ELMO1: variants seen among roughly 807,000 people sequenced by gnomAD.
The protein encoded by ELMO1 is engulfment and cell motility protein 1.
A neutral mutation model predicts 98.9 loss-of-function variants in ELMO1; 26 were observed. That is an observed-to-expected ratio of 0.26 (90% confidence interval 0.19 to 0.36). The LOEUF (loss-of-function observed/expected upper bound fraction) is 0.36, where lower values mean the gene tolerates loss of function less well. Ranked by LOEUF, ELMO1 falls within the 10% of genes least tolerant of loss-of-function variation. ELMO1 has a pLI of 1.00. For missense variants in ELMO1, 627 were observed against 935.2 expected (o/e 0.67, Z 4.30); for synonymous variants, 346 against 346.0 (o/e 1.00, Z 0.00).
intron 16 of ELMO1, among the ~76,000 whole-genome samples, chr7:36,988,456 T>G (rs1341266584): frequency 6.6e-6 from 1 of 152,210 alleles, no homozygotes. Context: ...CAGGCACTTG[T>G]GCTAGTGATA....
At position 37,332,496 on chromosome 7, in the gene ELMO1, G is replaced by A. The variant is rs550317775; in HGVS notation, c.78+10117C>T. On this transcript the variant is annotated intron_variant, in intron 2 of 21. Transcript: ENST00000310758. ...TTCTACACAGCAAGCACCCTCATCC[G>A]GTCTGAAGAGTCAGAAAAGGCCTTA... Among the ~76,000 whole-genome samples the A allele has an allele frequency of 1.6e-3, 243 of 152,264 alleles. 2 individuals are homozygous for A. Among genetic ancestry groups the A allele is most frequent in the South Asian group, 0.012 (59 of 4,824 alleles).
At position 36,928,077 on chromosome 7, in the gene ELMO1, T is replaced by C. The variant is rs191908935; in HGVS notation, c.1438-33060A>G. Among the ~76,000 whole-genome samples, 431 of 152,298 alleles carry C rather than the reference T, an allele frequency of 2.8e-3. 1 individual carries two copies. The highest frequency in any genetic ancestry group is 9.8e-3 in the African/African-American group (407 of 41,572). On this transcript the variant is annotated intron_variant, in intron 16 of 21. Coordinates refer to ENST00000310758, the MANE Select transcript of ELMO1 (RefSeq NM_014800.11). ...ATCTCTGAAAATCCTAAAAGGCAAATGAGAGAAAAAGAAGATTCAAAAGTT... is the reference window on the plus strand; with the variant it reads ...ATCTCTGAAAATCCTAAAAGGCAAACGAGAGAAAAAGAAGATTCAAAAGTT...
Position 37,342,872 on chromosome 7 carries a change from T to A in ELMO1, c.-73-109A>T. 1 of 567,474 alleles carries A rather than the reference T, an allele frequency of 1.8e-6. No homozygotes were observed. The highest frequency in any genetic ancestry group is 3.0e-6 in the Non-Finnish European group (1 of 328,260). 35.2% of individuals were successfully genotyped at this position (567,474 alleles called of 1,614,324 possible). ...CTGGTGGTTTGGTATGAAAAACGGCTCCCCTTGGTGCCTGGGTGCTGAAGG... is the reference window on the plus strand; with the variant it reads ...CTGGTGGTTTGGTATGAAAAACGGCACCCCTTGGTGCCTGGGTGCTGAAGG... On this transcript the variant is annotated intron_variant, in intron 1 of 21. Coordinates refer to ENST00000310758, the MANE Select transcript of ELMO1 (RefSeq NM_014800.11). This position sits in a 1 kb window ranked among gnomAD's most constrained non-coding sequence, Gnocchi z 4.3.
At chr7:37,122,839 T>C (rs536405253) in intron 14 of ELMO1, among the ~76,000 whole-genome samples, 6 of 152,322 alleles carry the variant, frequency 3.9e-5, no homozygotes, top group African/African-American at 1.2e-4. Flanking sequence ...TACATTCTTC[T>C]CAGCACCACA....
chr7:37,014,472 G>A (rs938670504), intron 15 of ELMO1, among the ~76,000 whole-genome samples: 11 of 152,022 alleles, frequency 7.2e-5, no homozygotes, highest in Non-Finnish European at 1.0e-4. Context: ...AGTGCAGAAC[G>A]TGCAGGTTTG....
At chr7:37,331,263 G>A (rs549803009) in intron 2 of ELMO1, among the ~76,000 whole-genome samples, 114 of 150,550 alleles carry the variant, frequency 7.6e-4, no homozygotes, top group African/African-American at 2.4e-3. Context: ...TCTGCCTCCC[G>A]GGTTCACACC....
At chr7:36,909,637 T>C (rs1232996728) in intron 16 of ELMO1, among the ~76,000 whole-genome samples, 2 of 152,250 alleles carry the variant, frequency 1.3e-5, no homozygotes, top group African/African-American at 2.4e-5. Flanking sequence ...CAAAGACTGA[T>C]TAAATGCTGA....
At chr7:37,144,953 C>A (rs1787886911) in intron 13 of ELMO1, among the ~76,000 whole-genome samples, 1 of 152,222 alleles carries the variant, frequency 6.6e-6, no homozygotes, top group Non-Finnish European at 1.5e-5. Context: ...TGTGCCCATA[C>A]ACCATGGCCA....
intron 16 of ELMO1, among the ~76,000 whole-genome samples, chr7:36,903,040 AGCATT>A (rs1783694510): frequency 6.6e-6 from 1 of 152,306 alleles, no homozygotes; most frequent in African/African-American, 2.4e-5. Flanking sequence ...GCAGGGGCCC[AGCATT>A]GCCTCTTGGG....
chr7:36,951,965 T>G (rs1787999487), intron 16 of ELMO1, among the ~76,000 whole-genome samples: 1 of 152,326 alleles, frequency 6.6e-6, no homozygotes, highest in South Asian at 2.1e-4. Flanking sequence ...AGCAAGGGAC[T>G]CTGAAGTCAA....
At chr7:37,023,719 T>C (rs1794410642) in intron 15 of ELMO1, among the ~76,000 whole-genome samples, 1 of 152,166 alleles carries the variant, frequency 6.6e-6, no homozygotes, top group Non-Finnish European at 1.5e-5. Context: ...GTGCTGGGAT[T>C]ACATGTGCGT....
chr7:37,126,649 A>C (rs1172242813), intron 14 of ELMO1, among the ~76,000 whole-genome samples: 4 of 152,238 alleles, frequency 2.6e-5, no homozygotes, highest in African/African-American at 9.6e-5. Context: ...AAAGGAAACA[A>C]GGAAACTCTC....
At chr7:37,145,651 T>C (rs1054463439) in intron 13 of ELMO1, among the ~76,000 whole-genome samples, 3 of 152,256 alleles carry the variant, frequency 2.0e-5, no homozygotes, top group Admixed American at 1.3e-4. Context: ...GCTAGTCCTT[T>C]ATTAGCGTGG....
chr7:36,999,246 G>A (rs1166619424), intron 16 of ELMO1, among the ~76,000 whole-genome samples: 16 of 152,152 alleles, frequency 1.1e-4, no homozygotes, highest in African/African-American at 3.1e-4. Flanking sequence ...TGTGATCTTC[G>A]TGTCATTTCC....
chr7:37,047,954 C>T (rs1795895416), intron 15 of ELMO1, among the ~76,000 whole-genome samples: 1 of 151,870 alleles, frequency 6.6e-6, no homozygotes, highest in South Asian at 2.1e-4. Flanking sequence ...TATGTCAGTA[C>T]CTTAAATATT....
intron 16 of ELMO1, among the ~76,000 whole-genome samples, chr7:36,901,852 A>G (rs1783578909): frequency 6.6e-6 from 1 of 152,212 alleles, no homozygotes; most frequent in Non-Finnish European, 1.5e-5. Context: ...TCTTCACAAG[A>G]TGACTCTGGG....
At chr7:37,373,431 AC>A (rs1234102770) in intron 1 of ELMO1, among the ~76,000 whole-genome samples, 1 of 151,882 alleles carries the variant, frequency 6.6e-6, no homozygotes, top group African/African-American at 2.4e-5. Context: ...ATATGTTGAA[AC>A]CCAGTCTCTA....
At chr7:36,936,032 C>G (rs1786499834) in intron 16 of ELMO1, among the ~76,000 whole-genome samples, 1 of 152,172 alleles carries the variant, frequency 6.6e-6, no homozygotes, top group African/African-American at 2.4e-5. Context: ...TCCACTCACC[C>G]TCCAGGCAGC....
chr7:36,881,350 C>A (rs975428974), intron 18 of ELMO1, among the ~76,000 whole-genome samples: 21 of 152,154 alleles, frequency 1.4e-4, no homozygotes, highest in African/African-American at 2.4e-5. Flanking sequence ...TGTCAGCCAC[C>A]AGCAGCAGCT....
Sources: allele counts gnomAD v4.1 joint callset (sites outside exome capture counted in the v4.1 genomes callset), GRCh38; gene constraint gnomAD v4.1.1; non-coding constraint Gnocchi (gnomAD v3.1); transcripts MANE v1.5; gene names NCBI Gene and HGNC (gene_info 2026-07-23, HGNC 2026-07-21).